TNFSF4: variants seen among roughly 807,000 people sequenced by gnomAD.
TNFSF4 encodes the protein TNF superfamily member 4.
Under a neutral mutation model 7.3 loss-of-function variants are expected in TNFSF4, and 4 were observed. That is an observed-to-expected ratio of 0.55 (90% CI 0.27 to 1.25). The LOEUF (loss-of-function observed/expected upper bound fraction) is 1.25, where lower values mean the gene tolerates loss of function less well. Ranked by LOEUF, TNFSF4 falls within the 50% of genes most tolerant of loss-of-function variation. The pLI is 0.12. For missense variants in TNFSF4, 181 were observed against 208.8 expected (o/e 0.87, Z 0.82); for synonymous variants, 76 against 83.7 (o/e 0.91, Z 0.50).
the TNFSF4 span, among the ~76,000 whole-genome samples, chr1:173,437,721 T>C: frequency 0.19 from 28,321 of 152,174 alleles, 2,715 homozygotes; most frequent in East Asian, 0.31. Context: ...AGGGTTCATA[T>C]GTGGTCACTC....
At chr1:173,390,848 C>T in the TNFSF4 span, among the ~76,000 whole-genome samples, 29 of 149,072 alleles carry the variant, frequency 1.9e-4, no homozygotes, top group African/African-American at 6.7e-4. Flanking sequence ...CACGTTCAAG[C>T]GATTCTCCTG....
At chr1:173,355,017 T>C in the TNFSF4 span, among the ~76,000 whole-genome samples, 2 of 152,236 alleles carry the variant, frequency 1.3e-5, no homozygotes, top group African/African-American at 4.8e-5. Context: ...CTATGCGTAG[T>C]TGGGAGCTGT....
chr1:173,395,923 C>T, the TNFSF4 span, among the ~76,000 whole-genome samples: 3 of 152,040 alleles, frequency 2.0e-5, no homozygotes, highest in African/African-American at 7.2e-5. Context: ...ACTTACCCAC[C>T]CCCAGTGGGA....
chr1:173,308,267 T>C, the TNFSF4 span, among the ~76,000 whole-genome samples: 4,579 of 132,680 alleles, frequency 0.035, 137 homozygotes, highest in Admixed American at 0.052. Context: ...CTCTCTCTCT[T>C]TCTCTCTCTC....
the TNFSF4 span, among the ~76,000 whole-genome samples, chr1:173,273,311 G>A: frequency 3.9e-5 from 6 of 152,176 alleles, no homozygotes; most frequent in South Asian, 2.1e-4. Flanking sequence ...AGCAGAATTC[G>A]TGTTGCTCCT....
At chr1:173,191,174 C>A (rs1295137750) in intron 1 of TNFSF4, among the ~76,000 whole-genome samples, 2 of 152,112 alleles carry the variant, frequency 1.3e-5, no homozygotes, top group African/African-American at 4.8e-5. Context: ...GTGGCAGTGA[C>A]CAAACAGACA....
the TNFSF4 span, among the ~76,000 whole-genome samples, chr1:173,264,151 T>C: frequency 6.6e-6 from 1 of 152,094 alleles, no homozygotes; most frequent in African/African-American, 2.4e-5. Flanking sequence ...AAAAATATTT[T>C]GAATTTTTTT....
At chr1:173,399,669 C>A in the TNFSF4 span, among the ~76,000 whole-genome samples, 1 of 151,882 alleles carries the variant, frequency 6.6e-6, no homozygotes, top group Non-Finnish European at 1.5e-5. Flanking sequence ...AGGGTGATCA[C>A]AGCAGAGGGG....
the TNFSF4 span, among the ~76,000 whole-genome samples, chr1:173,267,905 G>C: frequency 7.5e-6 from 1 of 132,880 alleles, no homozygotes; most frequent in Non-Finnish European, 1.7e-5. Context: ...GGAGAGGAGA[G>C]GAAAGAGAAG....
At chr1:173,231,647 T>G in the TNFSF4 span, among the ~76,000 whole-genome samples, 1 of 150,576 alleles carries the variant, frequency 6.6e-6, no homozygotes, top group Non-Finnish European at 1.5e-5. Context: ...TTTGGAATAT[T>G]TATTAGGAAA....
At chr1:173,307,771 A>T in the TNFSF4 span, among the ~76,000 whole-genome samples, 1 of 151,956 alleles carries the variant, frequency 6.6e-6, no homozygotes, top group Non-Finnish European at 1.5e-5. Flanking sequence ...CTGGATCTGG[A>T]AAGGGAGTGC....
intron 1 of TNFSF4, among the ~76,000 whole-genome samples, chr1:173,204,476 A>G (rs769065282): frequency 1.3e-5 from 2 of 152,190 alleles, no homozygotes; most frequent in Non-Finnish European, 2.9e-5. Flanking sequence ...AGGAAAGCTG[A>G]CGGCCAAATG....
the TNFSF4 span, among the ~76,000 whole-genome samples, chr1:173,213,709 T>C: frequency 2.0e-5 from 3 of 152,212 alleles, no homozygotes; most frequent in African/African-American, 7.2e-5. Context: ...ACTTAATTCA[T>C]CTTCAAAAGA....
the TNFSF4 span, among the ~76,000 whole-genome samples, chr1:173,242,457 T>C: frequency 6.6e-6 from 1 of 152,212 alleles, no homozygotes; most frequent in East Asian, 1.9e-4. Context: ...AGGTTCATTT[T>C]GCTTTGAGTA....
At chr1:173,317,749 G>A in the TNFSF4 span, among the ~76,000 whole-genome samples, 1 of 152,156 alleles carries the variant, frequency 6.6e-6, no homozygotes, top group African/African-American at 2.4e-5. Context: ...GATACTAACT[G>A]TAGATTTTGA....
the TNFSF4 span, among the ~76,000 whole-genome samples, chr1:173,432,074 G>A: frequency 2.0e-5 from 3 of 152,202 alleles, no homozygotes; most frequent in Admixed American, 1.3e-4. Context: ...GAGGGTAGAA[G>A]CAGAAGAGGT....
At chr1:173,297,737 G>C in the TNFSF4 span, among the ~76,000 whole-genome samples, 1 of 152,026 alleles carries the variant, frequency 6.6e-6, no homozygotes, top group East Asian at 1.9e-4. Context: ...ATGAATGAGA[G>C]GATGTATAGA....
At chr1:173,374,601 G>T in the TNFSF4 span, among the ~76,000 whole-genome samples, 9 of 152,138 alleles carry the variant, frequency 5.9e-5, no homozygotes, top group African/African-American at 2.2e-4. Context: ...GACTCCTACA[G>T]CTGATTCTGA....
chr1:173,234,623 G>T, the TNFSF4 span, among the ~76,000 whole-genome samples: 2 of 152,080 alleles, frequency 1.3e-5, no homozygotes, highest in African/African-American at 4.8e-5. Context: ...CCATAAAAAA[G>T]GATGAGTTAG....
Sources: allele counts gnomAD v4.1 joint callset (sites outside exome capture counted in the v4.1 genomes callset), GRCh38; gene constraint gnomAD v4.1.1; transcripts MANE v1.5; gene names NCBI Gene and HGNC (gene_info 2026-07-23, HGNC 2026-07-21).